SLC26A1: variants seen among roughly 807,000 people sequenced by gnomAD.
SLC26A1 encodes the protein sulfate anion transporter 1.
In SLC26A1, 18 loss-of-function variants were observed where a neutral mutation model predicts 14.5. The ratio of observed to expected loss-of-function variants is 1.24; its 90% confidence interval spans 0.86 to 1.84. SLC26A1 has a LOEUF of 1.84. Among genes scored for constraint, SLC26A1 ranks in the 40% most tolerant of loss-of-function variants. SLC26A1 has a pLI of 0.00. For synonymous variants in SLC26A1, 505 were observed against 492.0 expected, an observed-to-expected ratio of 1.03 and a Z score of -0.35; for missense variants, 1,049 against 1,020.0, an observed-to-expected ratio of 1.03 and a Z score of -0.39.
intron 1 of SLC26A1, 71 bp from the exon 2 acceptor site, chr4:991,801 C>A: frequency 6.5e-7 from 1 of 1,531,572 alleles, no homozygotes; most frequent in South Asian, 1.2e-5. Flanking sequence ...TCCCCGGCAG[C>A]AACGGGCCCC....
Position 989,741 on chromosome 4 carries a change from C to T in SLC26A1, c.1198G>A (p.Ala400Thr). The T allele has an allele frequency of 1.3e-6, 2 of 1,557,016 alleles. No individual in the cohort carries two copies. The highest frequency in any genetic ancestry group is 1.7e-4 in the Middle Eastern group (1 of 5,790). The part of the protein sequence containing the change: ...LHCFATSAAL[A>T]KSLVKTATGC... ...GTGGCTGTCTTCACCAGGCTCTTGG[C>T]CAGGGCGGCGCTGGTGGCGAAGCAG... Residue 400 changes from alanine (A) to threonine (T), a missense_variant, in exon 3 of 3, where the codon GCC becomes ACC. Coordinates refer to ENST00000398516, the MANE Select transcript of SLC26A1 (RefSeq NM_022042.4).
In SLC26A1 at chr4:991,488, G is replaced by A. The variant is rs763729685; in HGVS notation, c.216C>T (p.Asp72=). The A allele has an allele frequency of 3.1e-6, 5 of 1,610,708 alleles. No homozygotes were observed. The highest frequency in any genetic ancestry group is 1.7e-4 in the Middle Eastern group (1 of 6,052). Residue 72 remains aspartate, a synonymous_variant, in exon 2 of 3, where the codon GAC becomes GAT. Transcript: ENST00000398516. ...QYRPREYLAG[D]VMSGLVIGII... is the part of the protein sequence containing the mutation. ...TGCCGATGACCAGCCCAGACATGAC[G>A]TCGCCTGCCAGGTACTCCCGCGGGC...
In SLC26A1 at chr4:990,032, T is replaced by C; in HGVS notation, c.907A>G (p.Thr303Ala). The C allele has an allele frequency of 6.3e-7, 1 of 1,595,312 alleles. No individual in the cohort carries two copies. Among genetic ancestry groups the C allele is most frequent in the Non-Finnish European group, 8.5e-7 (1 of 1,172,998 alleles). The change falls in exon 3 of 3, where the codon ACA (threonine) becomes GCA (alanine). Residue 303 changes from threonine (T) to alanine (A), a missense_variant. Thr to Ala is a moderately conservative substitution (Grantham distance 58). Coordinates refer to ENST00000398516, the MANE Select transcript of SLC26A1 (RefSeq NM_022042.4). ...PTELLVIVVATLVSHFGQLHK... is the reference protein window; with the variant it reads ...PTELLVIVVAALVSHFGQLHK... The stretch of plus-strand genomic sequence containing the variant: ...AGCTGCCCGAAGTGCGACACGAGTG[T>C]GGCCACCACGATGACCAGCAGCTCC...
Position 990,073 on chromosome 4 carries a change from C to T in SLC26A1, c.866G>A (p.Arg289Lys), listed in dbSNP as rs1432207041. 7.5e-6 allele frequency: 12 copies of T among 1,601,334 alleles called. No homozygotes were observed. Among genetic ancestry groups the T allele is most frequent in the Non-Finnish European group, 1.0e-5 (12 of 1,175,950 alleles). Reference sequence around the variant, plus strand: ...CAGCAGCTCCGTGGGCAGCGGCACCCTCAGGCGGTGTCGGTAGCGGTCTGA... The same window carrying T: ...CAGCAGCTCCGTGGGCAGCGGCACCTTCAGGCGGTGTCGGTAGCGGTCTGA... ...ELSDRYRHRL[R>K]VPLPTELLVI... is the part of the protein sequence containing the mutation. The change falls in exon 3 of 3, where the codon AGG becomes AAG. Residue 289 changes from arginine (R) to lysine (K), a missense_variant. Transcript: ENST00000398516.
At chr4:979,583 G>T (rs10008164) in intron 2 of SLC26A1, 2 of 1,577,926 alleles carry the variant, frequency 1.3e-6, no homozygotes, top group African/African-American at 1.3e-5. Flanking sequence ...TCCCCCTGCC[G>T]GGCCCCAAAG....
intron 2 of SLC26A1, among the ~76,000 whole-genome samples, 154 bp downstream of exon 2, chr4:990,974 C>A (rs1039323534): frequency 8.5e-5 from 13 of 152,204 alleles, no homozygotes; most frequent in African/African-American, 2.7e-4. Flanking sequence ...CCTGGGATGC[C>A]CCGGCACGCC....
chr4:989,650 A>T lies in SLC26A1; in HGVS notation c.1289T>A (p.Leu430Gln). ...ATVVLLVLLA[L>Q]APLFHDLQRS... is the part of the protein sequence containing the mutation. ...CTGTAGGTCGTGGAACAGCGGTGCC[A>T]GCGCCAGCAGCACCAGCAGCACCAC... Residue 430 changes from leucine to glutamine, a missense_variant, in exon 3 of 3, where the codon CTG (leucine) becomes CAG (glutamine). By Grantham distance (113) the Leu-to-Gln change is moderately radical. Coordinates refer to ENST00000398516, the MANE Select transcript of SLC26A1 (RefSeq NM_022042.4). The T allele has an allele frequency of 6.3e-7, 1 of 1,589,282 alleles. No individual in the cohort carries two copies. The highest frequency in any genetic ancestry group is 8.6e-7 in the Non-Finnish European group (1 of 1,169,172).
Position 989,620 on chromosome 4 carries a change from C to T in SLC26A1, c.1319G>A (p.Ser440Asn), listed in dbSNP as rs1714076568. 8.1e-6 allele frequency: 13 copies of T among 1,601,550 alleles called. No individual in the cohort carries two copies. Among genetic ancestry groups the T allele is most frequent in the Non-Finnish European group, 1.0e-5 (12 of 1,175,636 alleles). ...LAPLFHDLQRSVLACVIVVSL... is the reference protein window; with the variant it reads ...LAPLFHDLQRNVLACVIVVSL... The stretch of plus-strand genomic sequence containing the variant: ...GACCACGATGACGCAGGCCAGCACG[C>T]TTCGCTGTAGGTCGTGGAACAGCGG... Residue 440 changes from serine (S) to asparagine (N), a missense_variant, in exon 3 of 3, where the codon AGC becomes AAC. Transcript: ENST00000398516.
At chr4:990,957 G>A (rs746885967) in intron 2 of SLC26A1, 171 bp downstream of exon 2, 20 of 653,806 alleles carry the variant, frequency 3.1e-5, no homozygotes, top group Non-Finnish European at 4.9e-5. Flanking sequence ...CCGCGTCGGT[G>A]CCTCGCCCTG....
In SLC26A1 at chr4:987,891, C is replaced by T. The variant is rs773908263; in HGVS notation, c.*942G>A. 1.2e-5 allele frequency: 20 copies of T among 1,610,362 alleles called. No homozygotes were observed. The South Asian group carries it at 2.1e-4, about 17-fold the overall frequency. ...CAACCTCGCCTATGTGGGCGCCGTC[C>T]CTCACCGCGGCATCAAGCAGGTCCG... On this transcript the variant is annotated 3_prime_UTR_variant, in exon 3 of 3. Transcript: ENST00000398516.
chr4:991,744 G>A lies in SLC26A1; in HGVS notation c.-27-14C>T. 1 of 1,528,286 alleles carries A rather than the reference G, an allele frequency of 6.5e-7. No individual in the cohort carries two copies. Among genetic ancestry groups the A allele is most frequent in the Non-Finnish European group, 8.7e-7 (1 of 1,143,622 alleles). The allele number at this position is 1,528,286 out of a possible 1,614,324, so 94.7% of individuals were successfully genotyped here. ...CCCGTGGCCGACCTGCGGCCGAGAA[G>A]AGGGCATGGTCACAGGAGCCCCCGG... On this transcript the variant is annotated splice_polypyrimidine_tract_variant and intron_variant, in intron 1 of 2. Coordinates refer to ENST00000398516, the MANE Select transcript of SLC26A1 (RefSeq NM_022042.4).
At chr4:987,027 C>T (rs920124363), downstream of SLC26A1, 1 of 1,500,446 alleles carries the variant, frequency 6.7e-7, no homozygotes, top group Non-Finnish European at 8.9e-7. Flanking sequence ...AGACTCCGAC[C>T]CGGAGGCGGA....
At position 991,301 on chromosome 4, in the gene SLC26A1, GC is replaced by G. The variant is rs1403463776; in HGVS notation, c.402del (p.Gln135ArgfsTer52). The stretch of plus-strand genomic sequence containing the variant: ...AGCTGGAGCTCCCGGTCCACCACCT[GC>G]CCCACCATGAGGCAAAGCAGGCTGA... ...GIFSLLCLMV[G>X]QVVDRELQLA... On this transcript the variant is annotated frameshift_variant, in exon 2 of 3. Transcript: ENST00000398516. LOFTEE classifies it high-confidence loss of function. The G allele has an allele frequency of 1.2e-6, 2 of 1,612,774 alleles. No homozygotes were observed. Among genetic ancestry groups the G allele is most frequent in the South Asian group, 1.1e-5 (1 of 91,084 alleles).
chr4:988,249 T>A lies in SLC26A1; in HGVS notation c.*584A>T. 2 of 1,255,798 alleles carry A rather than the reference T, an allele frequency of 1.6e-6. No individual in the cohort carries two copies. Among genetic ancestry groups the A allele is most frequent in the Non-Finnish European group, 2.0e-6 (2 of 991,896 alleles). The allele number at this position is 1,255,798 out of a possible 1,614,324, so 77.8% of individuals were successfully genotyped here. A position where few individuals can be genotyped will look rare whatever the true frequency, so the allele number is the denominator to read the frequency against. The stretch of plus-strand genomic sequence containing the variant: ...GTGTGTGTCTGCTGGCCAGGCTGGG[T>A]AGGGCCACTGCACCTGAGGGCTGAG... On this transcript the variant is annotated 3_prime_UTR_variant, in exon 3 of 3. Coordinates refer to ENST00000398516, the MANE Select transcript of SLC26A1 (RefSeq NM_022042.4).
chr4:987,767 A>G lies in SLC26A1; in HGVS notation c.*1066T>C, dbSNP rs1713850535. 5.0e-6 allele frequency: 8 copies of G among 1,610,532 alleles called. No individual in the cohort carries two copies. Among genetic ancestry groups the G allele is most frequent in the Non-Finnish European group, 6.8e-6 (8 of 1,179,234 alleles). ...GTGTGTGTCAGCCGCGCTGCCAGCC[A>G]TGCTGAGGCTCGGGACTGAGCCGCC... is the stretch of plus-strand genomic sequence containing the variant. On this transcript the variant is annotated 3_prime_UTR_variant, in exon 3 of 3. Coordinates refer to ENST00000398516, the MANE Select transcript of SLC26A1 (RefSeq NM_022042.4).
downstream of SLC26A1, among the ~76,000 whole-genome samples, chr4:986,509 T>C (rs2153014941): frequency 6.6e-6 from 1 of 152,378 alleles, no homozygotes; most frequent in South Asian, 2.1e-4. Context: ...TTAAAATATG[T>C]ATTATTTCGT....
chr4:988,930 G>A lies in SLC26A1; in HGVS notation c.2009C>T (p.Thr670Met), dbSNP rs200069949. ...GAGGAACAGCTGCTCCTCCTCAGCC[G>A]TGTCCCCGGGGCCCTCCCCGAGGAA... Reference protein sequence around the residue: ...GGFLGEGPGDTAEEEQLFLSV... With the variant: ...GGFLGEGPGDMAEEEQLFLSV... The change falls in exon 3 of 3, where the codon ACG becomes ATG. Residue 670 changes from threonine to methionine, a missense_variant. Coordinates refer to ENST00000398516, the MANE Select transcript of SLC26A1 (RefSeq NM_022042.4). 1.0e-4 allele frequency: 162 copies of A among 1,600,346 alleles called. No homozygotes were observed. The East Asian group carries it at 2.6e-3, about 26-fold the overall frequency.
In SLC26A1 at chr4:989,137, G is replaced by A. The variant is rs370195125; in HGVS notation, c.1802C>T (p.Ala601Val). 2.6e-5 allele frequency: 42 copies of A among 1,607,320 alleles called. 1 individual carries two copies. Among genetic ancestry groups the A allele is most frequent in the African/African-American group, 2.5e-4 (19 of 74,724 alleles). The change falls in exon 3 of 3, where the codon GCG becomes GTG. Residue 601 changes from alanine (A) to valine (V), a missense_variant. Coordinates refer to ENST00000398516, the MANE Select transcript of SLC26A1 (RefSeq NM_022042.4). The stretch of plus-strand genomic sequence containing the variant: ...GAAGCCGGCCGCTGCGGGCACCAGC[G>A]CAGCCCTGGTGCTAACCGGGCCCAG... The part of the protein sequence containing the change: ...EDLGPVSTRA[A>V]LVPAAAGFHT...
downstream of SLC26A1, among the ~76,000 whole-genome samples, chr4:985,191 T>C (rs1333088707): frequency 6.6e-6 from 1 of 152,280 alleles, no homozygotes; most frequent in East Asian, 1.9e-4. Context: ...GCCCCCCGCC[T>C]GAGCCTCGAC....
Sources: allele counts gnomAD v4.1 joint callset (sites outside exome capture counted in the v4.1 genomes callset), GRCh38; gene constraint gnomAD v4.1.1; transcripts MANE v1.5; gene names NCBI Gene and HGNC (gene_info 2026-07-23, HGNC 2026-07-21).